The following OBI1 variants were observed in gnomAD, a reference collection of about 807,000 sequenced individuals.
The protein encoded by OBI1 is ORC ubiquitin ligase 1, also known as ring finger protein 219.
OBI1 carries 59 observed loss-of-function variants against 62.4 expected under a neutral mutation model. The observed-to-expected ratio is 0.95, with a 90% CI of 0.77 to 1.17. OBI1 has a LOEUF of 1.17. OBI1 is among the 50% of genes most tolerant of loss of function. The pLI, the probability that OBI1 is intolerant of heterozygous loss-of-function variation, is 0.00. For missense variants in OBI1, 875 were observed against 830.9 expected (o/e 1.05, Z -0.65); for synonymous variants, 302 against 292.8 (o/e 1.03, Z -0.32).
chr13:78,659,013 C>T, intron 1 of OBI1, 36 bp downstream of exon 1: 1 of 1,596,526 alleles, frequency 6.3e-7, no homozygotes, highest in Middle Eastern at 1.7e-4. Context: ...ACTTATCCAA[C>T]CCCGTTTTGT....
At chr13:78,619,800 G>T (rs1410105767) in intron 5 of OBI1, among the ~76,000 whole-genome samples, 1 of 152,142 alleles carries the variant, frequency 6.6e-6, no homozygotes, top group African/African-American at 2.4e-5. Flanking sequence ...TGCCTGTTGT[G>T]TATTTCTTGA....
At chr13:78,645,479 C>G (rs559611843) in intron 1 of OBI1, among the ~76,000 whole-genome samples, 14 of 152,240 alleles carry the variant, frequency 9.2e-5, no homozygotes, top group South Asian at 4.1e-4. Context: ...AGAAATTCCC[C>G]AAAACCAAAC....
rs1876237787 is a variant in OBI1 at position 78,642,194 on chromosome 13, T to C, written c.228A>G (p.Glu76=). The change falls in exon 3 of 6, where the codon GAA becomes GAG. Residue 76 remains glutamate (E), a synonymous_variant. Coordinates refer to ENST00000282003, the MANE Select transcript of OBI1 (RefSeq NM_024546.4). ...TCCTGACCGTATGGCTTAGCATAGG[T>C]TCACTTTCACTTGTTCCTCCTGTAG... ...KEIIGGTSES[E]PMLSHTVRKH... The C allele has an allele frequency of 6.2e-7, 1 of 1,605,760 alleles. No individual in the cohort carries two copies. The highest frequency in any genetic ancestry group is 1.3e-5 in the African/African-American group (1 of 74,818).
chr13:78,624,112 A>C (rs991516224), intron 5 of OBI1, among the ~76,000 whole-genome samples: 2 of 152,268 alleles, frequency 1.3e-5, no homozygotes, highest in Admixed American at 1.3e-4. Context: ...TTTTATATGA[A>C]ATGAGAAAAA....
rs781690201 is a variant in OBI1, at chr13:78,616,705, C to T, written c.1056G>A (p.Met352Ile). 2 of 1,614,188 alleles carry T rather than the reference C, an allele frequency of 1.2e-6. No individual in the cohort carries two copies. The highest frequency in any genetic ancestry group is 1.7e-6 in the Non-Finnish European group (2 of 1,180,028). The change falls in exon 6 of 6, where the codon ATG (methionine) becomes ATA (isoleucine). Residue 352 changes from methionine (M) to isoleucine (I), a missense_variant. Transcript: ENST00000282003. ...CCATACTTGTATCTGTCACATCTAA[C>T]ATTACTTCTACCTGTTCTTGATATA... is the stretch of plus-strand genomic sequence containing the variant. ...KDLYQEQVEV[M>I]LDVTDTSMDT...
In OBI1 at chr13:78,616,773, T is replaced by C. The variant is rs1330934014; in HGVS notation, c.988A>G (p.Ser330Gly). ...CAGTTAAGGTCTGCTTTGCTGGTAC[T>C]TTCCTGCCTTGCAGAACTGGTGTCA... ...LCDTSSARQESTSKADLNCSK... is the reference protein window; with the variant it reads ...LCDTSSARQEGTSKADLNCSK... Residue 330 changes from serine to glycine, a missense_variant, in exon 6 of 6, where the codon AGT (serine) becomes GGT (glycine). Ser to Gly is a moderately conservative substitution (Grantham distance 56, BLOSUM62 0). Transcript: ENST00000282003. 4 of 1,614,242 alleles carry C rather than the reference T, an allele frequency of 2.5e-6. No homozygotes were observed. The East Asian group carries it at 8.9e-5, about 36-fold the overall frequency.
At chr13:78,658,477 A>G (rs576832246) in intron 1 of OBI1, among the ~76,000 whole-genome samples, 1 of 152,292 alleles carries the variant, frequency 6.6e-6, no homozygotes, top group East Asian at 1.9e-4. Context: ...TCTTATTCTA[A>G]TACCCTCCAG....
intron 5 of OBI1, among the ~76,000 whole-genome samples, chr13:78,634,282 A>G (rs1375545205): frequency 1.3e-5 from 2 of 151,528 alleles, no homozygotes; most frequent in Admixed American, 6.6e-5. Flanking sequence ...GGGCTATTTA[A>G]GGTCAAATGA....
intron 1 of OBI1, 85 bp from the exon 2 acceptor site, chr13:78,645,082 C>A (rs535971685): frequency 7.6e-7 from 1 of 1,310,454 alleles, no homozygotes; most frequent in South Asian, 1.4e-5. Flanking sequence ...AACTGCTTCT[C>A]TAGATTATAG....
chr13:78,626,309 C>T (rs1024421271), intron 5 of OBI1, among the ~76,000 whole-genome samples: 2 of 152,154 alleles, frequency 1.3e-5, no homozygotes, highest in African/African-American at 2.4e-5. Flanking sequence ...CTCTTTCCTT[C>T]TGTAAGACTC....
intron 5 of OBI1, among the ~76,000 whole-genome samples, chr13:78,631,221 T>C (rs1047699690): frequency 6.6e-6 from 1 of 152,132 alleles, no homozygotes; most frequent in Admixed American, 6.5e-5. Context: ...CAGAATCCTA[T>C]AAAATGCAGT....
rs1364475343 is a variant in OBI1 at position 78,615,161 on chromosome 13, T to G, written c.*419A>C. On this transcript the variant is annotated 3_prime_UTR_variant, in exon 6 of 6. Coordinates refer to ENST00000282003, the MANE Select transcript of OBI1 (RefSeq NM_024546.4). ...CAGTGTATAGACAACACTAAAAGTT[T>G]TATTTAAGAAATCCAAGTTCTGAAG... is the stretch of plus-strand genomic sequence containing the variant. The G allele has an allele frequency of 6.4e-6, 1 of 157,258 alleles. No individual in the cohort carries two copies. The highest frequency in any genetic ancestry group is 1.9e-4 in the East Asian group (1 of 5,322). 9.7% of individuals were successfully genotyped at this position (157,258 alleles called of 1,614,324 possible). A position where few individuals can be genotyped will look rare whatever the true frequency, so the allele number is the denominator to read the frequency against.
chr13:78,635,060 C>T lies in OBI1; in HGVS notation c.638+50G>A, dbSNP rs772737581. The T allele has an allele frequency of 7.0e-6, 8 of 1,146,120 alleles. No individual in the cohort carries two copies. In the East Asian group the frequency reaches 1.2e-4, roughly 18 times the overall value. 71.0% of individuals were successfully genotyped at this position (1,146,120 alleles called of 1,614,324 possible). ...AAACAAACCCTCACAGCAGCCTAGT[C>T]TAAAATATTGACATAATCTGAAGCA... On this transcript the variant is annotated intron_variant, in intron 5 of 5. Coordinates refer to ENST00000282003, the MANE Select transcript of OBI1 (RefSeq NM_024546.4).
chr13:78,624,751 G>T (rs898476972), intron 5 of OBI1, among the ~76,000 whole-genome samples: 1 of 152,116 alleles, frequency 6.6e-6, no homozygotes, highest in Admixed American at 6.5e-5. Flanking sequence ...ACATAGTATT[G>T]GGTCAGCAGG....
chr13:78,616,005 T>A lies in OBI1; in HGVS notation c.1756A>T (p.Lys586Ter). ...FLEEPDKLEE[K>*]TELNLSKGSL... ...CCTTTGGAAAGGTTTAGCTCAGTTT[T>A]TTCTTCCAACTTATCAGGTTCCTCA... Residue 586 changes from lysine to a stop codon, truncating the protein, a stop_gained, in exon 6 of 6, where the codon AAA (lysine) becomes TAA (stop). Coordinates refer to ENST00000282003, the MANE Select transcript of OBI1 (RefSeq NM_024546.4). LOFTEE classifies it high-confidence loss of function. The A allele has an allele frequency of 1.2e-6, 2 of 1,614,170 alleles. No individual in the cohort carries two copies. The highest frequency in any genetic ancestry group is 1.7e-6 in the Non-Finnish European group (2 of 1,180,018).
intron 5 of OBI1, among the ~76,000 whole-genome samples, chr13:78,625,874 C>T (rs765941583): frequency 4.9e-4 from 74 of 152,188 alleles, no homozygotes; most frequent in Admixed American, 1.3e-4. Flanking sequence ...AGAGAAGAAT[C>T]GTGATAAACA....
intron 5 of OBI1, among the ~76,000 whole-genome samples, chr13:78,618,271 G>A (rs1274457432): frequency 6.6e-6 from 1 of 151,878 alleles, no homozygotes; most frequent in Non-Finnish European, 1.5e-5. Context: ...GGGATTGTCT[G>A]TTTGGAGGAA....
intron 1 of OBI1, among the ~76,000 whole-genome samples, chr13:78,652,629 T>C (rs1876577508): frequency 6.6e-6 from 1 of 152,142 alleles, no homozygotes; most frequent in Admixed American, 6.5e-5. Flanking sequence ...TCGTGGAAGA[T>C]AATTTTTCCA....
intron 1 of OBI1, among the ~76,000 whole-genome samples, 168 bp downstream of exon 1, chr13:78,658,881 G>C (rs934215696): frequency 2.6e-5 from 4 of 152,110 alleles, no homozygotes; most frequent in African/African-American, 4.8e-5. Flanking sequence ...ATCACGGTGC[G>C]CTACCCCCAT....
Sources: allele counts gnomAD v4.1 joint callset (sites outside exome capture counted in the v4.1 genomes callset), GRCh38; gene constraint gnomAD v4.1.1; transcripts MANE v1.5; gene names NCBI Gene and HGNC (gene_info 2026-07-23, HGNC 2026-07-21).